Variants in PPP2R5A observed in about 807,000 individuals in gnomAD.
PPP2R5A encodes the protein serine/threonine-protein phosphatase 2A 56 kDa regulatory subunit alpha isoform.
A neutral mutation model predicts 64.2 loss-of-function variants in PPP2R5A; 25 were observed. That is an observed-to-expected ratio of 0.39 (90% CI 0.28 to 0.54). The LOEUF (loss-of-function observed/expected upper bound fraction) is 0.54, where lower values mean the gene tolerates loss of function less well. Among genes scored for constraint, PPP2R5A ranks in the 20% least tolerant of loss-of-function variants. The probability of loss-of-function intolerance (pLI) is 0.67; values close to 1 mark genes in which losing one functional copy is unlikely to be tolerated. For missense variants in PPP2R5A, 425 were observed against 576.3 expected (o/e 0.74, Z 2.69); for synonymous variants, 198 against 201.2 (o/e 0.98, Z 0.13).
At chr1:212,353,703 A>G (rs1245860570) in intron 8 of PPP2R5A, among the ~76,000 whole-genome samples, 1 of 152,216 alleles carries the variant, frequency 6.6e-6, no homozygotes, top group Non-Finnish European at 1.5e-5. Flanking sequence ...CAAAAAAACA[A>G]TTCTTATTTG....
intron 1 of PPP2R5A, among the ~76,000 whole-genome samples, chr1:212,315,089 A>G (rs1659121142): frequency 6.6e-6 from 1 of 152,244 alleles, no homozygotes; most frequent in Non-Finnish European, 1.5e-5. Flanking sequence ...CATTATGCTT[A>G]TGTTATGATT....
intron 1 of PPP2R5A, among the ~76,000 whole-genome samples, chr1:212,295,062 G>A (rs139132407): frequency 6.6e-6 from 1 of 152,252 alleles, no homozygotes; most frequent in East Asian, 1.9e-4. Flanking sequence ...CTAGAGAAGT[G>A]GAACAGCATT....
rs1003013750 is a variant in PPP2R5A at position 212,341,652 on chromosome 1, T to C, written c.481-536T>C. ...TGTAATTTAACGTTTTGCATCAAGT[T>C]ATGTAAAGCAATAAATAAATCTCAA... On this transcript the variant is annotated intron_variant, in intron 3 of 12. Transcript: ENST00000261461. 2.6e-5 allele frequency among the ~76,000 whole-genome samples: 4 copies of C among 152,176 alleles called. 1 individual carries two copies. The highest frequency in any genetic ancestry group is 4.1e-4 in the South Asian group (2 of 4,830).
chr1:212,334,820 T>C (rs1659563394), intron 3 of PPP2R5A, among the ~76,000 whole-genome samples: 1 of 152,232 alleles, frequency 6.6e-6, no homozygotes, highest in African/African-American at 2.4e-5. Flanking sequence ...ATAAATGTTA[T>C]CTCTTTAAGT....
At chr1:212,352,744 C>T in intron 8 of PPP2R5A, 1 of 515,946 alleles carries the variant, frequency 1.9e-6, no homozygotes, top group South Asian at 1.4e-5. Flanking sequence ...GCCACCATGC[C>T]TGGCCTGCAT....
chr1:212,298,829 G>C (rs1658742130), intron 1 of PPP2R5A, among the ~76,000 whole-genome samples: 1 of 39,108 alleles, frequency 2.6e-5, no homozygotes, highest in South Asian at 7.3e-4. Flanking sequence ...GGGGCGGCCG[G>C]GCAGAGGCGC....
intron 1 of PPP2R5A, among the ~76,000 whole-genome samples, chr1:212,303,896 T>C (rs1020094545): frequency 7.2e-5 from 11 of 152,236 alleles, no homozygotes; most frequent in African/African-American, 2.4e-4. Flanking sequence ...TGTCTGTTCT[T>C]GTGTCAGTAC....
chr1:212,349,331 T>C, intron 8 of PPP2R5A, 89 bp downstream of exon 8: 1 of 940,860 alleles, frequency 1.1e-6, no homozygotes, highest in Non-Finnish European at 1.5e-6. Flanking sequence ...AGTTATTAAG[T>C]AGAATAATGT....
chr1:212,349,071 T>C, intron 7 of PPP2R5A, 118 bp from the exon 8 acceptor site: 1 of 529,204 alleles, frequency 1.9e-6, no homozygotes, highest in African/African-American at 2.0e-5. Context: ...AGTATATTTT[T>C]ATATATTGGA....
intron 1 of PPP2R5A, among the ~76,000 whole-genome samples, chr1:212,321,055 C>T (rs1310714323): frequency 2.3e-5 from 2 of 85,810 alleles, no homozygotes; most frequent in Admixed American, 1.0e-4. Flanking sequence ...GGCGGCTGGC[C>T]GGGCGGGGGG....
intron 1 of PPP2R5A, among the ~76,000 whole-genome samples, chr1:212,289,487 CTGGG>C (rs1658563797): frequency 6.6e-6 from 1 of 152,202 alleles, no homozygotes; most frequent in South Asian, 2.1e-4. Context: ...GCAGCTGACA[CTGGG>C]ACCTAGGTCA....
Position 212,286,000 on chromosome 1 carries a change from G to A in PPP2R5A, c.-111G>A. The stretch of plus-strand genomic sequence containing the variant: ...GGGGCCGGAGGGCCGTGGGGCCGGG[G>A]CGCAGGGGCGCGAGCACCCCGCGCC... On this transcript the variant is annotated 5_prime_UTR_variant, in exon 1 of 13. Transcript: ENST00000261461. 1 of 1,179,620 alleles carries A rather than the reference G, an allele frequency of 8.5e-7. No homozygotes were observed. The highest frequency in any genetic ancestry group is 1.1e-6 in the Non-Finnish European group (1 of 907,146). 73.1% of individuals were successfully genotyped at this position (1,179,620 alleles called of 1,614,324 possible). A position where few individuals can be genotyped will look rare whatever the true frequency, so the allele number is the denominator to read the frequency against.
chr1:212,303,701 A>T (rs569451774), intron 1 of PPP2R5A, among the ~76,000 whole-genome samples: 4 of 152,130 alleles, frequency 2.6e-5, no homozygotes, highest in African/African-American at 9.6e-5. Flanking sequence ...GGCCATTTTT[A>T]GTTAATTTTT....
In PPP2R5A at chr1:212,342,271, C is replaced by T. The variant is rs1774249; in HGVS notation, c.564C>T (p.Phe188=). The T allele has an allele frequency of 0.34, 550,643 of 1,611,452 alleles. 95,935 individuals are homozygous for T. The highest frequency in any genetic ancestry group is 0.36 in the Non-Finnish European group (423,345 of 1,178,632). ...SIAKRYIDQK[F]VQQLLELFDS... ...CAAAACGATACATTGATCAGAAATT[C>T]GTACAACAGGTAAGGAACTCTTTTG... The change falls in exon 4 of 13, where the codon TTC becomes TTT. Residue 188 remains phenylalanine (F), a synonymous_variant. Transcript: ENST00000261461.
chr1:212,314,274 T>C (rs1195359971), intron 1 of PPP2R5A, among the ~76,000 whole-genome samples: 1 of 152,248 alleles, frequency 6.6e-6, no homozygotes, highest in East Asian at 1.9e-4. Flanking sequence ...TCTAGTTTTC[T>C]AGTCCTTTAG....
At chr1:212,287,702 A>G (rs974376608) in intron 1 of PPP2R5A, among the ~76,000 whole-genome samples, 3 of 152,238 alleles carry the variant, frequency 2.0e-5, no homozygotes, top group African/African-American at 7.2e-5. Context: ...AGGCATTGCC[A>G]AGACTTTAAT....
At chr1:212,293,436 T>G (rs1248785497) in intron 1 of PPP2R5A, among the ~76,000 whole-genome samples, 1 of 152,202 alleles carries the variant, frequency 6.6e-6, no homozygotes, top group African/African-American at 2.4e-5. Flanking sequence ...TATATAATAC[T>G]TTTAGTGTAT....
chr1:212,304,530 CA>C (rs1292006297), intron 1 of PPP2R5A, among the ~76,000 whole-genome samples: 7 of 151,924 alleles, frequency 4.6e-5, no homozygotes, highest in African/African-American at 1.7e-4. Context: ...GCCTGGGCAA[CA>C]AGAGCGAAAC....
Position 212,285,903 on chromosome 1 carries a change from C to A in PPP2R5A, c.-208C>A. ...CCGGGAGCTCGCCGCGCGCCGGGGACCAGGAACCTCCAGCGCTGAGATGTG... is the reference window on the plus strand; with the variant it reads ...CCGGGAGCTCGCCGCGCGCCGGGGAACAGGAACCTCCAGCGCTGAGATGTG... On this transcript the variant is annotated 5_prime_UTR_variant, in exon 1 of 13. Transcript: ENST00000261461. 2.3e-6 allele frequency: 1 copy of A among 440,228 alleles called. No individual in the cohort carries two copies. The highest frequency in any genetic ancestry group is 3.8e-6 in the Non-Finnish European group (1 of 262,126). 27.3% of individuals were successfully genotyped at this position (440,228 alleles called of 1,614,324 possible).
Sources: allele counts gnomAD v4.1 joint callset (sites outside exome capture counted in the v4.1 genomes callset), GRCh38; gene constraint gnomAD v4.1.1; transcripts MANE v1.5; gene names NCBI Gene and HGNC (gene_info 2026-07-23, HGNC 2026-07-21).